Variants in SPECC1 observed in about 807,000 individuals in gnomAD.
SPECC1 encodes cytospin-B.
A neutral mutation model predicts 104.1 loss-of-function variants in SPECC1; 62 were observed. The ratio of observed to expected loss-of-function variants is 0.60; its 90% confidence interval spans 0.49 to 0.74. SPECC1 has a LOEUF of 0.74. Among genes scored for constraint, SPECC1 ranks in the 30% least tolerant of loss-of-function variants. The pLI is 0.00. For missense variants in SPECC1, 1,306 were observed against 1,310.5 expected, an observed-to-expected ratio of 1.00 and a Z score of 0.05; for synonymous variants, 513 against 501.6, an observed-to-expected ratio of 1.02 and a Z score of -0.30.
At chr17:20,299,536 G>A (rs555463812) in intron 13 of SPECC1, among the ~76,000 whole-genome samples, 1 of 142,206 alleles carries the variant, frequency 7.0e-6, no homozygotes, top group East Asian at 2.0e-4. Context: ...CTCCAGCCTG[G>A]GTGACAGAGA....
chr17:20,212,268 C>T (rs560853786), intron 4 of SPECC1, among the ~76,000 whole-genome samples: 18 of 152,284 alleles, frequency 1.2e-4, no homozygotes, highest in South Asian at 4.2e-4. Context: ...GGCTAAGAAC[C>T]GAGCAGAGGG....
At chr17:20,036,099 C>G (rs1047715822) in intron 1 of SPECC1, among the ~76,000 whole-genome samples, 1 of 152,094 alleles carries the variant, frequency 6.6e-6, no homozygotes, top group Non-Finnish European at 1.5e-5. Flanking sequence ...GCATGAGCCA[C>G]TGCGCTTGGC....
intron 3 of SPECC1, among the ~76,000 whole-genome samples, chr17:20,160,039 G>C (rs2032993902): frequency 6.6e-6 from 1 of 152,170 alleles, no homozygotes; most frequent in Non-Finnish European, 1.5e-5. Context: ...GTTTTCCCTA[G>C]TCCCAGTACC....
intron 12 of SPECC1, among the ~76,000 whole-genome samples, chr17:20,284,348 G>A (rs2040872623): frequency 6.6e-6 from 1 of 152,264 alleles, no homozygotes; most frequent in South Asian, 2.1e-4. Context: ...CAGAAAGGAG[G>A]ATGCTGTGAA....
chr17:20,170,424 AT>A (rs2033999628), intron 3 of SPECC1, among the ~76,000 whole-genome samples: 1 of 152,208 alleles, frequency 6.6e-6, no homozygotes, highest in South Asian at 2.1e-4. Flanking sequence ...TAAAGAAATT[AT>A]TTTAGTACCA....
intron 3 of SPECC1, among the ~76,000 whole-genome samples, chr17:20,192,345 C>G (rs1377397968): frequency 2.0e-5 from 3 of 152,016 alleles, no homozygotes; most frequent in African/African-American, 7.3e-5. Context: ...TCGGATATGT[C>G]TTTTGCACAT....
chr17:20,252,260 A>AT (rs1038326678), intron 9 of SPECC1, among the ~76,000 whole-genome samples: 24 of 151,770 alleles, frequency 1.6e-4, no homozygotes, highest in Non-Finnish European at 3.4e-4. Context: ...CTCTAGAAAA[A>AT]TTTTTTTTTA....
At chr17:20,021,399 T>G (rs2044368990) in intron 1 of SPECC1, among the ~76,000 whole-genome samples, 3 of 152,112 alleles carry the variant, frequency 2.0e-5, no homozygotes, top group Non-Finnish European at 4.4e-5. Flanking sequence ...GATTCTGGTC[T>G]TAATATCCAC....
At chr17:20,231,883 C>T in intron 6 of SPECC1, 52 bp downstream of exon 6, 1 of 1,555,632 alleles carries the variant, frequency 6.4e-7, no homozygotes, top group East Asian at 2.2e-5. Context: ...ATTACCCGCT[C>T]CGAGGTGTGG....
intron 3 of SPECC1, among the ~76,000 whole-genome samples, chr17:20,122,630 C>T (rs1236818241): frequency 2.0e-5 from 3 of 152,188 alleles, no homozygotes; most frequent in Admixed American, 6.5e-5. Flanking sequence ...ATTAAACACT[C>T]GCTTCCCATT....
rs893363230 is a variant in SPECC1, at chr17:20,314,581, A to C, written c.*516A>C. 10 of 267,302 alleles carry C rather than the reference A, an allele frequency of 3.7e-5. No individual in the cohort carries two copies. Among genetic ancestry groups the C allele is most frequent in the Non-Finnish European group, 6.6e-5 (9 of 137,004 alleles). The allele number at this position is 267,302 out of a possible 1,614,324, so 16.6% of individuals were successfully genotyped here. On this transcript the variant is annotated 3_prime_UTR_variant, in exon 15 of 15. Coordinates refer to ENST00000395527, the MANE Select transcript of SPECC1 (RefSeq NM_001243439.2). ...TTTGAGCCCAGGAGTTCGAGGCTGC[A>C]GTGAGCTATGAGCATACCACTGCAC... is the stretch of plus-strand genomic sequence containing the variant.
At chr17:20,112,755 G>T (rs1163033334) in intron 3 of SPECC1, 1 of 1,246,768 alleles carries the variant, frequency 8.0e-7, no homozygotes, top group Non-Finnish European at 1.2e-6. Context: ...AACCTGAAAG[G>T]TGTGGATATG....
chr17:20,317,922 G>A lies in SPECC1; in HGVS notation c.*3857G>A, dbSNP rs766256944. The A allele has an allele frequency of 3.6e-5, 8 of 225,228 alleles. No homozygotes were observed. Among genetic ancestry groups the A allele is most frequent in the Non-Finnish European group, 5.3e-5 (6 of 113,152 alleles). 14.0% of individuals were successfully genotyped at this position (225,228 alleles called of 1,614,324 possible). Reference sequence around the variant, plus strand: ...GGGAGGCAGTCCCCAACCCAGCTAGGCCAAGGGGTAGGGTTTTTAGGTCTG... The same window carrying A: ...GGGAGGCAGTCCCCAACCCAGCTAGACCAAGGGGTAGGGTTTTTAGGTCTG... On this transcript the variant is annotated 3_prime_UTR_variant, in exon 15 of 15. Transcript: ENST00000395527.
chr17:20,224,531 A>G (rs146637214), intron 4 of SPECC1, among the ~76,000 whole-genome samples: 1 of 152,012 alleles, frequency 6.6e-6, no homozygotes, highest in African/African-American at 2.4e-5. Flanking sequence ...TCTTTATTTT[A>G]TTGTGGCTGA....
intron 1 of SPECC1, among the ~76,000 whole-genome samples, chr17:20,080,559 T>C (rs2046929980): frequency 6.6e-6 from 1 of 151,782 alleles, no homozygotes; most frequent in South Asian, 2.1e-4. Flanking sequence ...ACAAGCGGCC[T>C]ACCTTGCTGC....
chr17:20,170,547 G>A (rs2034010575), intron 3 of SPECC1, among the ~76,000 whole-genome samples: 1 of 152,076 alleles, frequency 6.6e-6, no homozygotes, highest in African/African-American at 2.4e-5. Context: ...GGTATCACTG[G>A]GACCTTGCCC....
chr17:20,161,663 TTTAAAA>T (rs144805617), intron 3 of SPECC1, among the ~76,000 whole-genome samples: 3,848 of 152,288 alleles, frequency 0.025, 136 homozygotes, highest in East Asian at 0.082. Context: ...GCTCTTTACT[TTTAAAA>T]TTAATATGCT....
intron 14 of SPECC1, among the ~76,000 whole-genome samples, chr17:20,313,328 T>C (rs950193880): frequency 2.0e-5 from 3 of 152,228 alleles, no homozygotes; most frequent in Non-Finnish European, 2.9e-5. Flanking sequence ...CATTTGAAAT[T>C]GGTTCAAGGC....
chr17:20,268,793 A>G (rs572839229), intron 12 of SPECC1, among the ~76,000 whole-genome samples: 99 of 152,290 alleles, frequency 6.5e-4, no homozygotes, highest in African/African-American at 2.3e-3. Flanking sequence ...TGTGGGAGAC[A>G]CAGTCCTCTC....
Sources: gnomAD v4.1 joint callset for allele counts (sites outside exome capture counted in the v4.1 genomes callset) on GRCh38, gnomAD v4.1.1 for gene constraint, MANE v1.5 for transcripts, NCBI Gene and HGNC (gene_info 2026-07-23, HGNC 2026-07-21) for gene names.